Variants in CAMKMT observed in about 807,000 individuals in gnomAD.
The protein encoded by CAMKMT is calmodulin-lysine N-methyltransferase.
CAMKMT carries 53 observed loss-of-function variants against 48.0 expected under a neutral mutation model. The observed-to-expected ratio is 1.10, with a 90% CI of 0.89 to 1.39. The LOEUF (loss-of-function observed/expected upper bound fraction) is 1.39, where lower values mean the gene tolerates loss of function less well. CAMKMT is among the 40% of genes most tolerant of loss of function. The pLI, the probability that CAMKMT is intolerant of heterozygous loss-of-function variation, is 0.00. For synonymous variants in CAMKMT, 165 were observed against 152.3 expected, an observed-to-expected ratio of 1.08 and a Z score of -0.61; for missense variants, 428 against 402.7, an observed-to-expected ratio of 1.06 and a Z score of -0.54.
intron 2 of CAMKMT, among the ~76,000 whole-genome samples, chr2:44,384,984 A>C (rs1680636520): frequency 6.6e-6 from 1 of 152,112 alleles, no homozygotes; most frequent in African/African-American, 2.4e-5. Context: ...GTTCCATATA[A>C]ATTTTAGAAT....
chr2:44,520,493 T>A (rs1671051312), intron 3 of CAMKMT, among the ~76,000 whole-genome samples: 1 of 152,102 alleles, frequency 6.6e-6, no homozygotes, highest in Non-Finnish European at 1.5e-5. Context: ...TCATCATGAG[T>A]GAATTACTTA....
At chr2:44,578,028 A>G (rs945140721) in intron 3 of CAMKMT, among the ~76,000 whole-genome samples, 2 of 152,100 alleles carry the variant, frequency 1.3e-5, no homozygotes, top group African/African-American at 4.8e-5. Context: ...GAAGATCCCC[A>G]TGTACATGTA....
At chr2:44,626,946 CG>C (rs1206254788) in intron 3 of CAMKMT, among the ~76,000 whole-genome samples, 1 of 152,088 alleles carries the variant, frequency 6.6e-6, no homozygotes, top group Non-Finnish European at 1.5e-5. Context: ...ATCCTTGCCT[CG>C]TTTCTGATCT....
At chr2:44,476,194 T>C (rs745332380) in intron 3 of CAMKMT, among the ~76,000 whole-genome samples, 2 of 152,300 alleles carry the variant, frequency 1.3e-5, no homozygotes, top group Non-Finnish European at 2.9e-5. Flanking sequence ...CAAAGAAAAT[T>C]ACAGTTTTTA....
intron 3 of CAMKMT, among the ~76,000 whole-genome samples, chr2:44,692,140 A>G (rs1676688470): frequency 1.3e-5 from 2 of 152,228 alleles, no homozygotes; most frequent in African/African-American, 4.8e-5. Flanking sequence ...TGGGTTATCA[A>G]TGAGGAATAA....
At chr2:44,413,401 C>T (rs1443917113) in intron 3 of CAMKMT, among the ~76,000 whole-genome samples, 1 of 152,018 alleles carries the variant, frequency 6.6e-6, no homozygotes, top group African/African-American at 2.4e-5. Context: ...TGCCTGTAAT[C>T]CCAGCACTTT....
At position 44,422,664 on chromosome 2, in the gene CAMKMT, A is replaced by G. The variant is rs113866675; in HGVS notation, c.376+32359A>G. On this transcript the variant is annotated intron_variant, in intron 3 of 10. Coordinates refer to ENST00000378494, the MANE Select transcript of CAMKMT (RefSeq NM_024766.5). ...TCAAAGTCCAGAATTGGACTATCCA[A>G]ATATATTGGTCATTAGTTGGAACAT... Among the ~76,000 whole-genome samples, 265 of 152,272 alleles carry G rather than the reference A, an allele frequency of 1.7e-3. No homozygotes were observed. In the Middle Eastern group the frequency reaches 0.027, roughly 16 times the overall value.
intron 3 of CAMKMT, among the ~76,000 whole-genome samples, chr2:44,423,386 G>A (rs1228059377): frequency 6.6e-6 from 1 of 151,948 alleles, no homozygotes; most frequent in Non-Finnish European, 1.5e-5. Flanking sequence ...TACCATATTG[G>A]CCACACTGGT....
At chr2:44,753,012 G>T (rs1277469694) in intron 8 of CAMKMT, among the ~76,000 whole-genome samples, 1 of 152,144 alleles carries the variant, frequency 6.6e-6, no homozygotes, top group East Asian at 1.9e-4. Context: ...ATAATAACTG[G>T]TGAAGACAGA....
intron 3 of CAMKMT, among the ~76,000 whole-genome samples, chr2:44,668,461 G>C (rs1675133549): frequency 6.6e-6 from 1 of 152,090 alleles, no homozygotes; most frequent in Non-Finnish European, 1.5e-5. Context: ...AAATCATGTG[G>C]CAGTATCACT....
chr2:44,528,525 T>A (rs879612220), intron 3 of CAMKMT, among the ~76,000 whole-genome samples: 1 of 152,106 alleles, frequency 6.6e-6, no homozygotes, highest in African/African-American at 2.4e-5. Flanking sequence ...GAGAAAAAAA[T>A]TATCACAACC....
At chr2:44,407,566 C>T (rs960820385) in intron 3 of CAMKMT, among the ~76,000 whole-genome samples, 2 of 152,122 alleles carry the variant, frequency 1.3e-5, no homozygotes, top group African/African-American at 2.4e-5. Context: ...CCTTATGAAC[C>T]TCTGCAGTAA....
intron 3 of CAMKMT, among the ~76,000 whole-genome samples, chr2:44,650,145 A>G (rs1212241195): frequency 6.6e-6 from 1 of 152,232 alleles, no homozygotes. Context: ...CTAGAAGTCC[A>G]AAGTCAAGGT....
rs559938867 is a variant in CAMKMT, at chr2:44,513,686, A to ACTTT, written c.376+123383_376+123384insTTCT. ...TCTCTTTCCCTTCTTGGGTAGGAGC[A>ACTTT]CTGGAAAGGACATCTTCAATCACTA... On this transcript the variant is annotated intron_variant, in intron 3 of 10. Transcript: ENST00000378494. Among the ~76,000 whole-genome samples the ACTTT allele has an allele frequency of 1.9e-3, 297 of 152,318 alleles. 1 individual carries two copies. The highest frequency in any genetic ancestry group is 6.8e-3 in the Middle Eastern group (2 of 294).
intron 2 of CAMKMT, among the ~76,000 whole-genome samples, chr2:44,374,790 C>T (rs1024406088): frequency 5.9e-5 from 9 of 151,928 alleles, no homozygotes; most frequent in Non-Finnish European, 8.8e-5. Context: ...AAAAAAGACA[C>T]GTGACTGAGC....
At chr2:44,409,644 C>T (rs540186694) in intron 3 of CAMKMT, among the ~76,000 whole-genome samples, 12 of 152,222 alleles carry the variant, frequency 7.9e-5, no homozygotes, top group Non-Finnish European at 1.5e-4. Flanking sequence ...GAAGACTTGA[C>T]ATTGTTGTAA....
intron 3 of CAMKMT, among the ~76,000 whole-genome samples, chr2:44,562,918 A>G (rs1004425175): frequency 1.3e-5 from 2 of 152,114 alleles, no homozygotes; most frequent in Non-Finnish European, 2.9e-5. Flanking sequence ...AGAGGACCTT[A>G]CTCTCTCAGT....
At chr2:44,456,741 A>G (rs1667584197) in intron 3 of CAMKMT, 12 of 774,842 alleles carry the variant, frequency 1.5e-5, no homozygotes, top group East Asian at 1.5e-4. Flanking sequence ...AGAAATCCTC[A>G]TGCTAAATGT....
chr2:44,482,843 A>G (rs1350425825), intron 3 of CAMKMT, among the ~76,000 whole-genome samples: 1 of 152,138 alleles, frequency 6.6e-6, no homozygotes, highest in Admixed American at 6.5e-5. Flanking sequence ...TATGCGTGAA[A>G]TTATTCTCTC....
Sources: allele counts gnomAD v4.1 joint callset (sites outside exome capture counted in the v4.1 genomes callset), GRCh38; gene constraint gnomAD v4.1.1; transcripts MANE v1.5; gene names NCBI Gene and HGNC (gene_info 2026-07-23, HGNC 2026-07-21).